Variants in UBE3D observed in about 807,000 individuals in gnomAD.
UBE3D encodes ubiquitin protein ligase E3D.
UBE3D carries 48 observed loss-of-function variants against 49.6 expected under a neutral mutation model. The ratio of observed to expected loss-of-function variants is 0.97; its 90% confidence interval spans 0.77 to 1.23. The LOEUF (loss-of-function observed/expected upper bound fraction) is 1.23. UBE3D is among the 50% of genes most tolerant of loss of function. The pLI, the probability that UBE3D is intolerant of heterozygous loss-of-function variation, is 0.00. For synonymous variants in UBE3D, 189 were observed against 174.2 expected (o/e 1.08, Z -0.67); for missense variants, 452 against 468.4 (o/e 0.96, Z 0.32).
At chr6:83,055,859 A>G (rs527979428) in intron 2 of UBE3D, among the ~76,000 whole-genome samples, 17 of 152,356 alleles carry the variant, frequency 1.1e-4, no homozygotes, top group South Asian at 4.1e-4. Flanking sequence ...AAACAGTTTG[A>G]TTCAAGTTCA....
chr6:83,021,332 T>G (rs1781074408), intron 7 of UBE3D, among the ~76,000 whole-genome samples: 1 of 152,056 alleles, frequency 6.6e-6, no homozygotes, highest in Non-Finnish European at 1.5e-5. Flanking sequence ...TCTCAGCTAT[T>G]CAGAAGGCTG....
chr6:82,970,700 G>A (rs1281825018), intron 8 of UBE3D, among the ~76,000 whole-genome samples: 4 of 151,968 alleles, frequency 2.6e-5, no homozygotes, highest in South Asian at 4.1e-4. Flanking sequence ...TTAGCCGGGC[G>A]TGGTGGCAGG....
intron 8 of UBE3D, among the ~76,000 whole-genome samples, chr6:82,965,583 C>CAAAAAAAA (rs35257086): frequency 2.3e-5 from 2 of 86,350 alleles, no homozygotes; most frequent in African/African-American, 4.4e-5. Context: ...AACTCCATCT[C>CAAAAAAAA]AAAAAAAAAA....
chr6:83,003,258 A>G (rs1273262081), intron 8 of UBE3D, among the ~76,000 whole-genome samples: 1 of 152,140 alleles, frequency 6.6e-6, no homozygotes, highest in Non-Finnish European at 1.5e-5. Context: ...CCAGTCCCCA[A>G]GCCATTTGTA....
intron 4 of UBE3D, among the ~76,000 whole-genome samples, chr6:83,042,629 A>T (rs1782753602): frequency 6.6e-6 from 1 of 152,224 alleles, no homozygotes; most frequent in Non-Finnish European, 1.5e-5. Flanking sequence ...TATCTGAGAC[A>T]CCACAGGGCT....
intron 9 of UBE3D, among the ~76,000 whole-genome samples, chr6:82,949,665 C>A (rs1306587014): frequency 6.6e-6 from 1 of 152,078 alleles, no homozygotes; most frequent in Admixed American, 6.6e-5. Context: ...TAAAACCAGA[C>A]ACACAGACCA....
chr6:83,063,860 G>A (rs539401819), intron 1 of UBE3D, among the ~76,000 whole-genome samples: 14 of 152,208 alleles, frequency 9.2e-5, no homozygotes, highest in African/African-American at 2.9e-4. Context: ...TCTATCCTAT[G>A]ACCCAGAAAT....
At chr6:82,978,716 C>A (rs534865755) in intron 8 of UBE3D, among the ~76,000 whole-genome samples, 4 of 152,306 alleles carry the variant, frequency 2.6e-5, no homozygotes, top group African/African-American at 9.6e-5. Flanking sequence ...ATGAAAGACA[C>A]TGTTCAAACA....
chr6:82,924,714 T>C (rs1773615904), intron 9 of UBE3D: 1 of 152,204 alleles, frequency 6.6e-6, no homozygotes, highest in South Asian at 2.1e-4. Context: ...ACATCATTTG[T>C]TTCCTTTAAA....
intron 1 of UBE3D, among the ~76,000 whole-genome samples, chr6:83,062,416 G>C (rs991164123): frequency 1.3e-5 from 2 of 151,970 alleles, no homozygotes; most frequent in Non-Finnish European, 2.9e-5. Flanking sequence ...CATCTCCATG[G>C]GAGGGCATTA....
At chr6:82,958,706 C>A (rs1321114653) in intron 8 of UBE3D, among the ~76,000 whole-genome samples, 1 of 152,166 alleles carries the variant, frequency 6.6e-6, no homozygotes, top group Admixed American at 6.5e-5. Context: ...CACCTCCAAC[C>A]CCCTTTTAGC....
chr6:82,925,258 T>C (rs1773662128), intron 9 of UBE3D: 1 of 152,204 alleles, frequency 6.6e-6, no homozygotes, highest in Non-Finnish European at 1.5e-5. Context: ...CCTTTTAATT[T>C]GAACATATTT....
At chr6:83,040,259 T>A (rs570323861) in intron 4 of UBE3D, among the ~76,000 whole-genome samples, 1 of 151,928 alleles carries the variant, frequency 6.6e-6, no homozygotes, top group Admixed American at 6.6e-5. Flanking sequence ...TGGTGCGCGC[T>A]TGTAGTCCCA....
intron 1 of UBE3D, 142 bp from the exon 2 acceptor site, chr6:83,058,164 C>CAGAT (rs1783936686): frequency 2.5e-6 from 2 of 800,704 alleles, no homozygotes; most frequent in Admixed American, 5.2e-5. Flanking sequence ...CAGCAGCAAG[C>CAGAT]AGATCATAAA....
chr6:82,935,627 T>C (rs917128331), intron 9 of UBE3D, among the ~76,000 whole-genome samples: 5 of 152,016 alleles, frequency 3.3e-5, no homozygotes, highest in African/African-American at 7.2e-5. Context: ...TGTAAATCTA[T>C]AGTATATCAA....
At chr6:83,006,838 T>A (rs1780016183) in intron 8 of UBE3D, among the ~76,000 whole-genome samples, 1 of 152,180 alleles carries the variant, frequency 6.6e-6, no homozygotes. Flanking sequence ...GAGATCTGTT[T>A]CACAATAGAA....
intron 9 of UBE3D, among the ~76,000 whole-genome samples, chr6:82,925,975 C>T (rs1175972026): frequency 6.6e-6 from 1 of 152,070 alleles, no homozygotes; most frequent in Non-Finnish European, 1.5e-5. Context: ...CAAATCCCCA[C>T]ATTTCTAGCT....
chr6:82,899,353 G>T (rs1462593691), intron 9 of UBE3D, among the ~76,000 whole-genome samples: 1 of 152,106 alleles, frequency 6.6e-6, no homozygotes, highest in African/African-American at 2.4e-5. Context: ...TTCCAACCCT[G>T]AACTTTCTGC....
chr6:82,893,761 C>A (rs908449226), intron 9 of UBE3D, among the ~76,000 whole-genome samples: 1 of 152,056 alleles, frequency 6.6e-6, no homozygotes, highest in Non-Finnish European at 1.5e-5. Context: ...TCGTATTAGG[C>A]GTGAGCAACA....
Sources: gnomAD v4.1 joint callset for allele counts (sites outside exome capture counted in the v4.1 genomes callset) on GRCh38, gnomAD v4.1.1 for gene constraint, MANE v1.5 for transcripts, NCBI Gene and HGNC (gene_info 2026-07-23, HGNC 2026-07-21) for gene names.